The following ASTN1 variants were observed in gnomAD, a reference collection of about 807,000 sequenced individuals.
The protein encoded by ASTN1 is astrotactin-1.
ASTN1 carries 41 observed loss-of-function variants against 140.7 expected under a neutral mutation model. The observed-to-expected ratio is 0.29, with a 90% CI of 0.23 to 0.38. The LOEUF is 0.38. Ranked by LOEUF, ASTN1 falls within the 10% of genes least tolerant of loss-of-function variation. ASTN1 has a pLI of 1.00. For synonymous variants in ASTN1, 640 were observed against 652.2 expected (o/e 0.98, Z 0.29); for missense variants, 1,479 against 1,678.8 (o/e 0.88, Z 2.08).
chr1:176,971,065 G>GT (rs914672787), intron 8 of ASTN1, among the ~76,000 whole-genome samples: 2 of 152,146 alleles, frequency 1.3e-5, no homozygotes, highest in African/African-American at 4.8e-5. Flanking sequence ...ATATTTATAT[G>GT]TAATGTGAGA....
chr1:177,074,308 T>C (rs897302096), intron 1 of ASTN1, among the ~76,000 whole-genome samples: 1 of 152,214 alleles, frequency 6.6e-6, no homozygotes, highest in African/African-American at 2.4e-5. Context: ...CTATATCATT[T>C]ATAAAGATTG....
At chr1:176,915,026 G>A (rs946600863) in intron 16 of ASTN1, among the ~76,000 whole-genome samples, 25 of 152,096 alleles carry the variant, frequency 1.6e-4, no homozygotes, top group African/African-American at 5.6e-4. Flanking sequence ...TGATGTAATG[G>A]GAAAATCTAA....
chr1:176,945,132 A>G (rs899915436), intron 13 of ASTN1, among the ~76,000 whole-genome samples: 6 of 152,200 alleles, frequency 3.9e-5, no homozygotes, highest in Admixed American at 3.9e-4. Context: ...GAACAGGGAC[A>G]GGCATTGAAT....
intron 11 of ASTN1, among the ~76,000 whole-genome samples, chr1:176,953,140 A>G (rs774802075): frequency 7.2e-5 from 11 of 152,180 alleles, no homozygotes; most frequent in Non-Finnish European, 1.2e-4. Context: ...TTTCTTTGTC[A>G]TCTTTCCCCT....
chr1:177,159,619 A>C (rs897429461), intron 1 of ASTN1, among the ~76,000 whole-genome samples: 5 of 152,228 alleles, frequency 3.3e-5, no homozygotes, highest in Admixed American at 3.3e-4. Context: ...TGAGCTCTCA[A>C]AATAAGTTCT....
At chr1:176,947,231 G>T (rs1163342819) in intron 12 of ASTN1, among the ~76,000 whole-genome samples, 1 of 152,206 alleles carries the variant, frequency 6.6e-6, no homozygotes, top group Non-Finnish European at 1.5e-5. Flanking sequence ...CTGGGTTGTT[G>T]AGAAGATTGA....
intron 9 of ASTN1, among the ~76,000 whole-genome samples, chr1:176,963,479 C>A (rs1237647068): frequency 6.6e-6 from 1 of 152,160 alleles, no homozygotes; most frequent in African/African-American, 2.4e-5. Context: ...TTCTTAATCA[C>A]TTATTGATTA....
At chr1:176,915,735 G>T (rs543568046) in intron 16 of ASTN1, among the ~76,000 whole-genome samples, 1 of 152,144 alleles carries the variant, frequency 6.6e-6, no homozygotes, top group Non-Finnish European at 1.5e-5. Context: ...GCTTCTTAAT[G>T]CAGGCGGTGT....
chr1:176,962,523 T>A (rs537596900), intron 9 of ASTN1, among the ~76,000 whole-genome samples: 1 of 152,204 alleles, frequency 6.6e-6, no homozygotes, highest in South Asian at 2.1e-4. Flanking sequence ...AAGAAGAACA[T>A]CATTTCATTG....
Position 176,943,914 on chromosome 1 carries a change from G to C in ASTN1, c.2354C>G (p.Thr785Ser). 2 of 1,611,298 alleles carry C rather than the reference G, an allele frequency of 1.2e-6. No homozygotes were observed. The highest frequency in any genetic ancestry group is 1.7e-6 in the Non-Finnish European group (2 of 1,178,078). The part of the protein sequence containing the change: ...NQCLEEISEP[T>S]PDPDFLTGMV... ...ACCAGTCAGGAAGTCAGGGTCAGGG[G>C]TGGGCTCCGAGATCTCCTCTAGGCA... Residue 785 changes from threonine to serine, a missense_variant, in exon 14 of 23, where the codon ACC becomes AGC. Physicochemically the swap from Thr to Ser is moderately conservative, Grantham distance 58. Coordinates refer to ENST00000361833, the MANE Select transcript of ASTN1 (RefSeq NM_004319.3).
chr1:176,876,696 T>C (rs1212643650), intron 20 of ASTN1, 59 bp from the exon 21 acceptor site: 29 of 1,544,964 alleles, frequency 1.9e-5, no homozygotes, highest in Non-Finnish European at 2.1e-5. Context: ...GCTAGATCTC[T>C]GTGGCCCTAG....
chr1:176,946,016 A>C lies in ASTN1; in HGVS notation c.2159T>G (p.Met720Arg). 1 of 1,614,150 alleles carries C rather than the reference A, an allele frequency of 6.2e-7. No homozygotes were observed. Among genetic ancestry groups the C allele is most frequent in the Non-Finnish European group, 8.5e-7 (1 of 1,179,992 alleles). The change falls in exon 13 of 23, where the codon ATG becomes AGG. Residue 720 changes from methionine to arginine, a missense_variant. Met to Arg is a moderately conservative substitution (Grantham distance 91). Coordinates refer to ENST00000361833, the MANE Select transcript of ASTN1 (RefSeq NM_004319.3). Reference protein sequence around the residue: ...SDCGESRELPMNQTLFGEMFF... With the variant: ...SDCGESRELPRNQTLFGEMFF... The stretch of plus-strand genomic sequence containing the variant: ...CATCTCCCCAAAGAGGGTCTGGTTC[A>C]TGGGAAGCTCCCTGCTTTCCCCACA...
At chr1:176,937,567 C>T (rs556890700) in intron 14 of ASTN1, among the ~76,000 whole-genome samples, 3 of 152,168 alleles carry the variant, frequency 2.0e-5, no homozygotes, top group African/African-American at 4.8e-5. Flanking sequence ...ATAAATGCTA[C>T]CGAAACAAAA....
chr1:177,100,975 C>T (rs577274938), intron 1 of ASTN1, among the ~76,000 whole-genome samples: 2 of 152,138 alleles, frequency 1.3e-5, no homozygotes, highest in African/African-American at 2.4e-5. Flanking sequence ...TGCCTGTAAT[C>T]CCCTCTACTG....
At position 177,011,568 on chromosome 1, in the gene ASTN1, C is replaced by A. The variant is rs182647166; in HGVS notation, c.1523+3223G>T. Among the ~76,000 whole-genome samples, 707 of 151,950 alleles carry A rather than the reference C, an allele frequency of 4.7e-3. 7 individuals are homozygous for A. The highest frequency in any genetic ancestry group is 0.016 in the African/African-American group (676 of 41,448). ...TGGCTTCCTGTCATGCACATACACA[C>A]ACACACACACACAAACACACACATA... On this transcript the variant is annotated intron_variant, in intron 8 of 22. Coordinates refer to ENST00000361833, the MANE Select transcript of ASTN1 (RefSeq NM_004319.3).
intron 8 of ASTN1, among the ~76,000 whole-genome samples, chr1:176,999,518 G>A (rs557408605): frequency 6.6e-6 from 1 of 152,292 alleles, no homozygotes; most frequent in South Asian, 2.1e-4. Context: ...AATTGAACAA[G>A]CATAGCCAAG....
chr1:177,164,677 C>A lies in ASTN1; in HGVS notation c.-1G>T. The A allele has an allele frequency of 1.9e-6, 3 of 1,560,442 alleles. No individual in the cohort carries two copies. The highest frequency in any genetic ancestry group is 2.6e-6 in the Non-Finnish European group (3 of 1,154,674). ...GGGCGCAGAGCCCGGCTAAAGCCAT[C>A]TTGAGCCCCGGCCGCCTTCCTCCTA... is the stretch of plus-strand genomic sequence containing the variant. On this transcript the variant is annotated 5_prime_UTR_variant, in exon 1 of 23. Transcript: ENST00000361833.
At chr1:176,879,446 C>G (rs954828389) in intron 20 of ASTN1, among the ~76,000 whole-genome samples, 1 of 152,150 alleles carries the variant, frequency 6.6e-6, no homozygotes, top group Non-Finnish European at 1.5e-5. Context: ...TTCCAGCCAC[C>G]TTTTGTAGCC....
chr1:176,911,586 C>A (rs577213512), intron 16 of ASTN1, among the ~76,000 whole-genome samples: 1 of 151,926 alleles, frequency 6.6e-6, no homozygotes, highest in Non-Finnish European at 1.5e-5. Context: ...AACGAAGACA[C>A]AAACACATAC....
Sources: gnomAD v4.1 joint callset for allele counts (sites outside exome capture counted in the v4.1 genomes callset) on GRCh38, gnomAD v4.1.1 for gene constraint, MANE v1.5 for transcripts, NCBI Gene and HGNC (gene_info 2026-07-23, HGNC 2026-07-21) for gene names.